Variants in ERCC6L2 observed in about 807,000 individuals in gnomAD.
The protein encoded by ERCC6L2 is ERCC excision repair 6 like 2.
ERCC6L2 carries 77 observed loss-of-function variants against 132.0 expected under a neutral mutation model. That is an observed-to-expected ratio of 0.58 (90% confidence interval 0.49 to 0.71). The LOEUF (loss-of-function observed/expected upper bound fraction) is 0.71. Among genes scored for constraint, ERCC6L2 ranks in the 30% least tolerant of loss-of-function variants. The pLI, the probability that ERCC6L2 is intolerant of heterozygous loss-of-function variation, is 0.00. For synonymous variants in ERCC6L2, 583 were observed against 632.4 expected, an observed-to-expected ratio of 0.92 and a Z score of 1.17; for missense variants, 1,542 against 1,837.6, an observed-to-expected ratio of 0.84 and a Z score of 2.94.
chr9:95,891,029 A>G (rs1828132483), intron 2 of ERCC6L2, among the ~76,000 whole-genome samples: 1 of 152,336 alleles, frequency 6.6e-6, no homozygotes, highest in South Asian at 2.1e-4. Context: ...ACTGACCAAC[A>G]TGGAGAAACT....
At position 96,012,115 on chromosome 9, in the gene ERCC6L2, A is replaced by G; in HGVS notation, c.3675-110A>G. On this transcript the variant is annotated intron_variant, in intron 18 of 18. Coordinates refer to ENST00000653738, the MANE Select transcript of ERCC6L2 (RefSeq NM_020207.7). ...GTGGAATTCAGCAGACGTATGCTAAAGGAACAAGATTACCTTCTGTGGACT... is the reference window on the plus strand; with the variant it reads ...GTGGAATTCAGCAGACGTATGCTAAGGGAACAAGATTACCTTCTGTGGACT... 2.8e-6 allele frequency: 2 copies of G among 705,426 alleles called. 1 individual carries two copies. Among genetic ancestry groups the G allele is most frequent in the South Asian group, 5.4e-5 (2 of 37,286 alleles). The allele number at this position is 705,426 out of a possible 1,614,324, so 43.7% of individuals were successfully genotyped here.
intron 12 of ERCC6L2, among the ~76,000 whole-genome samples, chr9:95,951,863 G>T (rs1003785948): frequency 6.6e-6 from 1 of 151,992 alleles, no homozygotes; most frequent in Non-Finnish European, 1.5e-5. Context: ...ATTCTACCAA[G>T]CATTTAAAGA....
chr9:95,901,167 T>G (rs1026036245), intron 3 of ERCC6L2, among the ~76,000 whole-genome samples: 1 of 152,318 alleles, frequency 6.6e-6, no homozygotes, highest in African/African-American at 2.4e-5. Flanking sequence ...TATGGAATTT[T>G]AAGTTCAAAA....
chr9:96,026,792 C>CCCACA (rs1554764967), intron 19 of ERCC6L2, among the ~76,000 whole-genome samples: 1 of 134,024 alleles, frequency 7.5e-6, no homozygotes, highest in Non-Finnish European at 1.6e-5. Context: ...CCACACACAC[C>CCCACA]CCACACACAT....
At chr9:95,932,979 G>A (rs1207327981) in intron 11 of ERCC6L2, among the ~76,000 whole-genome samples, 2 of 152,168 alleles carry the variant, frequency 1.3e-5, no homozygotes, top group African/African-American at 4.8e-5. Context: ...ATCAAAGGGA[G>A]AATTATCTCA....
Position 96,026,269 on chromosome 9 carries a change from C to T in ERCC6L2, c.*1504-12607C>T, listed in dbSNP as rs562451137. 9.7e-4 allele frequency among the ~76,000 whole-genome samples: 148 copies of T among 152,338 alleles called. 1 individual carries two copies. Among genetic ancestry groups the T allele is most frequent in the African/African-American group, 3.4e-3 (142 of 41,582 alleles). ...GGGGCTCTGCTGACGGGAACAGGCT[C>T]CTGTCCTGCGATCTGCGGCCACCAC... On this transcript the variant is annotated intron_variant and NMD_transcript_variant, in intron 19 of 20. Transcript: ENST00000670016.
chr9:95,919,674 T>C (rs1829769510), intron 6 of ERCC6L2, among the ~76,000 whole-genome samples: 6 of 152,214 alleles, frequency 3.9e-5, no homozygotes, highest in Admixed American at 3.9e-4. Flanking sequence ...GTCGTTGTTA[T>C]AGAAAAAGCC....
At chr9:96,004,353 G>A (rs1200608994) in intron 17 of ERCC6L2, among the ~76,000 whole-genome samples, 167 bp from the exon 18 acceptor site, 2 of 152,024 alleles carry the variant, frequency 1.3e-5, no homozygotes, top group Non-Finnish European at 2.9e-5. Context: ...TTTTCCCTGT[G>A]TCATCTTCTT....
At chr9:95,953,417 A>G (rs1831439038) in intron 12 of ERCC6L2, among the ~76,000 whole-genome samples, 1 of 152,084 alleles carries the variant, frequency 6.6e-6, no homozygotes, top group African/African-American at 2.4e-5. Context: ...TCTACTAAAA[A>G]TACAAAAAAA....
At chr9:96,028,213 A>T (rs1377788708) in intron 19 of ERCC6L2, among the ~76,000 whole-genome samples, 1 of 152,126 alleles carries the variant, frequency 6.6e-6, no homozygotes, top group East Asian at 1.9e-4. Context: ...TGCATTAAAA[A>T]TGCAGGCCAA....
At position 95,924,718 on chromosome 9, in the gene ERCC6L2, T is replaced by C. The variant is rs992896035; in HGVS notation, c.1533+1339T>C. ...TAATATATACTTGTAAAATATACTT[T>C]TAAAGTTAATCTCCCTAGGAATAAT... On this transcript the variant is annotated intron_variant, in intron 9 of 18. Coordinates refer to ENST00000653738, the MANE Select transcript of ERCC6L2 (RefSeq NM_020207.7). 1.3e-5 allele frequency among the ~76,000 whole-genome samples: 2 copies of C among 152,256 alleles called. 1 individual carries two copies. Among genetic ancestry groups the C allele is most frequent in the South Asian group, 4.1e-4 (2 of 4,820 alleles).
intron 1 of ERCC6L2, chr9:95,876,941 C>T (rs1382361379): frequency 6.6e-6 from 1 of 152,152 alleles, no homozygotes; most frequent in Non-Finnish European, 1.5e-5. Flanking sequence ...GATATTGTGA[C>T]TGGGAGGCTC....
chr9:95,980,507 C>T (rs552114910), intron 17 of ERCC6L2, among the ~76,000 whole-genome samples: 2 of 152,146 alleles, frequency 1.3e-5, no homozygotes, highest in Non-Finnish European at 2.9e-5. Context: ...GTAATTGATA[C>T]AGCAAAATTT....
intron 14 of ERCC6L2, chr9:95,968,109 G>A (rs907346011): frequency 1.3e-5 from 2 of 151,818 alleles, no homozygotes; most frequent in Non-Finnish European, 2.9e-5. Context: ...CTCCAGCCTG[G>A]GGAACAAAGC....
Position 95,915,766 on chromosome 9 carries a change from G to T in ERCC6L2, c.887G>T (p.Arg296Leu), listed in dbSNP as rs760906727. The T allele has an allele frequency of 3.1e-6, 5 of 1,613,752 alleles. No individual in the cohort carries two copies. Among genetic ancestry groups the T allele is most frequent in the South Asian group, 1.1e-5 (1 of 91,062 alleles). Residue 296 changes from arginine to leucine, a missense_variant, in exon 5 of 19, where the codon CGC becomes CTC. Around this residue, in one of 4 missense-constraint regions of ERCC6L2, gnomAD observed 945 missense variants for 1,105.2 expected, o/e 0.86. Transcript: ENST00000653738. ...EVMKALKCNV[R>L]IGLTGTILQN... The stretch of plus-strand genomic sequence containing the variant: ...ATGAAAGCTTTGAAATGTAATGTCC[G>T]CATTGGCCTCACTGGAACCATCCTT...
At chr9:95,937,040 G>T (rs1830587629) in intron 11 of ERCC6L2, among the ~76,000 whole-genome samples, 1 of 152,102 alleles carries the variant, frequency 6.6e-6, no homozygotes, top group African/African-American at 2.4e-5. Context: ...AGGGCATCTG[G>T]GTTGTTTCCA....
Position 95,966,622 on chromosome 9 carries a change from G to T in ERCC6L2, c.2008G>T (p.Gly670Ter). ...NAKRYFEAVQ[G>*]SKEHQGELFG... is the part of the protein sequence containing the mutation. The stretch of plus-strand genomic sequence containing the variant: ...CAAACGATATTTTGAAGCAGTTCAA[G>T]GATCTAAAGAGCATCAAGGAGAGCT... The change falls in exon 14 of 19, where the codon GGA becomes TGA. Residue 670 changes from glycine (G) to a stop codon, truncating the protein, a stop_gained. Transcript: ENST00000653738. LOFTEE classifies it high-confidence loss of function. The T allele has an allele frequency of 6.5e-7, 1 of 1,541,910 alleles. No individual in the cohort carries two copies. Among genetic ancestry groups the T allele is most frequent in the Non-Finnish European group, 8.9e-7 (1 of 1,129,298 alleles).
chr9:96,031,208 G>A (rs2133266335), intron 19 of ERCC6L2, among the ~76,000 whole-genome samples: 1 of 152,344 alleles, frequency 6.6e-6, no homozygotes, highest in South Asian at 2.1e-4. Flanking sequence ...CTAATGGAGA[G>A]AGATCATTCA....
chr9:95,880,809 A>G lies in ERCC6L2; in HGVS notation c.47-60A>G. 6 of 1,464,400 alleles carry G rather than the reference A, an allele frequency of 4.1e-6. No individual in the cohort carries two copies. In the South Asian group the frequency reaches 8.2e-5, roughly 20 times the overall value. 90.7% of individuals were successfully genotyped at this position (1,464,400 alleles called of 1,614,324 possible). ...TATATATTGTTTCTCACAGCTGTGA[A>G]TAAATGAGGTGTTACTTTATAAGCT... On this transcript the variant is annotated intron_variant, in intron 1 of 18. Coordinates refer to ENST00000653738, the MANE Select transcript of ERCC6L2 (RefSeq NM_020207.7).
Sources: allele counts gnomAD v4.1 joint callset (sites outside exome capture counted in the v4.1 genomes callset), GRCh38; gene constraint gnomAD v4.1.1; regional missense constraint gnomAD v4.1.1; transcripts MANE v1.5; gene names NCBI Gene and HGNC (gene_info 2026-07-23, HGNC 2026-07-21).